Variants in HIP1 observed in about 807,000 individuals in gnomAD.
HIP1 encodes huntingtin interacting protein 1, also known as huntingtin-interacting protein 1.
Under a neutral mutation model 147.6 loss-of-function variants are expected in HIP1, and 65 were observed. The observed-to-expected ratio is 0.44, with a 90% confidence interval of 0.36 to 0.54. HIP1 has a LOEUF of 0.54. Among genes scored for constraint, HIP1 ranks in the 20% least tolerant of loss-of-function variants. The probability of loss-of-function intolerance (pLI) is 0.00; values close to 1 mark genes in which losing one functional copy is unlikely to be tolerated. For synonymous variants in HIP1, 479 were observed against 504.0 expected (o/e 0.95, Z 0.67); for missense variants, 1,061 against 1,299.6 (o/e 0.82, Z 2.82).
intron 1 of HIP1, among the ~76,000 whole-genome samples, chr7:75,679,239 G>A (rs1189964919): frequency 6.6e-5 from 10 of 152,150 alleles, no homozygotes; most frequent in African/African-American, 1.7e-4. Flanking sequence ...AGGTCTCGCC[G>A]TATCACTCAG....
At chr7:75,736,525 C>T (rs977739575) in intron 1 of HIP1, among the ~76,000 whole-genome samples, 22 of 151,692 alleles carry the variant, frequency 1.5e-4, no homozygotes, top group African/African-American at 5.3e-4. Flanking sequence ...GAGACCAGTC[C>T]GGGCAACACA....
At chr7:75,548,860 C>T (rs781839095) in intron 23 of HIP1, 31 bp downstream of exon 23, 4 of 1,483,244 alleles carry the variant, frequency 2.7e-6, no homozygotes, top group East Asian at 2.3e-5. Context: ...GCAAAGGCAT[C>T]GTTTCAGGAG....
chr7:75,661,138 T>C (rs1477891178), intron 1 of HIP1, among the ~76,000 whole-genome samples: 2 of 151,376 alleles, frequency 1.3e-5, no homozygotes, highest in Non-Finnish European at 2.9e-5. Flanking sequence ...AATTAGGTGG[T>C]GTGGGGATGC....
chr7:75,664,037 T>TATATGTGTATATACAC (rs1563278502), intron 1 of HIP1, among the ~76,000 whole-genome samples: 8 of 78,730 alleles, frequency 1.0e-4, no homozygotes, highest in Non-Finnish European at 1.7e-4. Context: ...TGTATATATA[T>TATATGTGTATATACAC]ACACATATAT....
At chr7:75,668,180 A>G (rs1563281848) in intron 1 of HIP1, among the ~76,000 whole-genome samples, 1 of 152,184 alleles carries the variant, frequency 6.6e-6, no homozygotes, top group Admixed American at 6.5e-5. Flanking sequence ...CACCAAACCA[A>G]AAGTCAGATC....
chr7:75,689,891 C>T (rs1244149406), intron 1 of HIP1, among the ~76,000 whole-genome samples: 1 of 152,138 alleles, frequency 6.6e-6, no homozygotes, highest in African/African-American at 2.4e-5. Flanking sequence ...TAAATAGTGT[C>T]ATCGTCATTC....
chr7:75,557,041 T>C (rs1795035758), intron 16 of HIP1, among the ~76,000 whole-genome samples: 1 of 151,444 alleles, frequency 6.6e-6, no homozygotes, highest in South Asian at 2.1e-4. Context: ...TTTATTTATT[T>C]ATTTATTTAT....
intron 16 of HIP1, 21 bp from the exon 17 acceptor site, chr7:75,556,832 AG>A: frequency 1.4e-6 from 2 of 1,420,178 alleles, no homozygotes; most frequent in Non-Finnish European, 1.0e-6. Context: ...AGAAAAACAG[AG>A]GGACTCTGAT....
In HIP1 at chr7:75,555,492, C is replaced by G. The variant is rs1554493065; in HGVS notation, c.1887G>C (p.Lys629Asn). ...QRKMLLVGSRKAAEQVIQDAL... is the reference protein window; with the variant it reads ...QRKMLLVGSRNAAEQVIQDAL... ...CGTCTTGTATCACCTGCTCCGCAGC[C>G]TTCCTGGACCCCACCAGAAGCATTT... The change falls in exon 19 of 31, where the codon AAG becomes AAC. Residue 629 changes from lysine (K) to asparagine (N), a missense_variant. Physicochemically the swap from Lys to Asn is moderately conservative, Grantham distance 94. Around this residue, in one of 3 missense-constraint regions of HIP1, gnomAD observed 810 missense variants for 946.8 expected, o/e 0.86. Coordinates refer to ENST00000336926, the MANE Select transcript of HIP1 (RefSeq NM_005338.7). 6.2e-7 allele frequency: 1 copy of G among 1,614,236 alleles called. No homozygotes were observed. Among genetic ancestry groups the G allele is most frequent in the South Asian group, 1.1e-5 (1 of 91,090 alleles).
In HIP1 at chr7:75,559,922, G is replaced by A; in HGVS notation, c.1192-7C>T. The A allele has an allele frequency of 6.3e-7, 1 of 1,590,308 alleles. No individual in the cohort carries two copies. ...GCAGCACAACCCGCTGGCTCTGTGG[G>A]GGGACTCCGGTCATGAGGCCAACCG... On this transcript the variant is annotated splice_region_variant and splice_polypyrimidine_tract_variant and intron_variant, in intron 13 of 30. Coordinates refer to ENST00000336926, the MANE Select transcript of HIP1 (RefSeq NM_005338.7).
Position 75,699,011 on chromosome 7 carries a change from A to G in HIP1, c.120+39790T>C, listed in dbSNP as rs150919275. Among the ~76,000 whole-genome samples, 731 of 152,148 alleles carry G rather than the reference A, an allele frequency of 4.8e-3. 4 individuals carry two copies. The highest frequency in any genetic ancestry group is 0.017 in the African/African-American group (698 of 41,506). ...GTCAGGAGTGGAAGGGACGCCTTTCACTTTTTTTTTCTGGAACCACTTGAA... is the reference window on the plus strand; with the variant it reads ...GTCAGGAGTGGAAGGGACGCCTTTCGCTTTTTTTTTCTGGAACCACTTGAA... On this transcript the variant is annotated intron_variant, in intron 1 of 30. Coordinates refer to ENST00000336926, the MANE Select transcript of HIP1 (RefSeq NM_005338.7).
intron 1 of HIP1, among the ~76,000 whole-genome samples, chr7:75,667,642 C>T (rs1167786876): frequency 3.3e-5 from 5 of 152,168 alleles, no homozygotes; most frequent in South Asian, 2.1e-4. Flanking sequence ...TGTGCCATCA[C>T]GCCTGGCTAA....
chr7:75,704,003 C>G (rs1202422990), intron 1 of HIP1, among the ~76,000 whole-genome samples: 1 of 152,090 alleles, frequency 6.6e-6, no homozygotes, highest in Non-Finnish European at 1.5e-5. Flanking sequence ...CAAGTTCCCC[C>G]AAGACTCATG....
At position 75,556,823 on chromosome 7, in the gene HIP1, G is replaced by C. The variant is rs781951868; in HGVS notation, c.1582-12C>G. 10 of 1,503,296 alleles carry C rather than the reference G, an allele frequency of 6.7e-6. No homozygotes were observed. The highest frequency in any genetic ancestry group is 7.4e-6 in the Non-Finnish European group (8 of 1,081,814). 93.1% of individuals were successfully genotyped at this position (1,503,296 alleles called of 1,614,324 possible). A position where few individuals can be genotyped will look rare whatever the true frequency, so the allele number is the denominator to read the frequency against. ...AGCTGTTCTTGAGTCTGAAAGAGAA[G>C]AAAAACAGAGGGACTCTGATCTGGG... is the stretch of plus-strand genomic sequence containing the variant. On this transcript the variant is annotated splice_polypyrimidine_tract_variant and intron_variant, in intron 16 of 30. Transcript: ENST00000336926.
chr7:75,703,372 G>A (rs1388407201), intron 1 of HIP1, among the ~76,000 whole-genome samples: 2 of 151,860 alleles, frequency 1.3e-5, no homozygotes, highest in African/African-American at 4.8e-5. Flanking sequence ...GCCCAGGTGC[G>A]GTGGTTCATG....
intron 1 of HIP1, among the ~76,000 whole-genome samples, chr7:75,614,305 T>A (rs1797554455): frequency 6.6e-6 from 1 of 152,156 alleles, no homozygotes; most frequent in African/African-American, 2.4e-5. Flanking sequence ...CCTCCCAAAG[T>A]GCTGGGACTA....
intron 11 of HIP1, 146 bp downstream of exon 11, chr7:75,562,789 T>C (rs1795273061): frequency 1.3e-6 from 1 of 743,820 alleles, no homozygotes; most frequent in Non-Finnish European, 2.2e-6. Flanking sequence ...CAGAGCAGGA[T>C]GCTCAGCCTA....
At chr7:75,586,328 G>A (rs1465985313) in intron 5 of HIP1, among the ~76,000 whole-genome samples, 4 of 151,688 alleles carry the variant, frequency 2.6e-5, no homozygotes, top group African/African-American at 7.3e-5. Flanking sequence ...TCAGCCTCCC[G>A]AGTAGCTGGG....
chr7:75,709,434 T>G (rs1414954386), intron 1 of HIP1, among the ~76,000 whole-genome samples: 1 of 152,148 alleles, frequency 6.6e-6, no homozygotes, highest in Non-Finnish European at 1.5e-5. Context: ...TTCTTTTTGG[T>G]GCTATTGTAA....
Sources: gnomAD v4.1 joint callset for allele counts (sites outside exome capture counted in the v4.1 genomes callset) on GRCh38, gnomAD v4.1.1 for gene constraint, gnomAD v4.1.1 regional missense constraint, MANE v1.5 for transcripts, NCBI Gene and HGNC (gene_info 2026-07-23, HGNC 2026-07-21) for gene names.